Variants in NAV3 observed in about 807,000 individuals in gnomAD.
NAV3 encodes the protein pore membrane and/or filament interacting like protein 1.
A neutral mutation model predicts 244.7 loss-of-function variants in NAV3; 87 were observed. The ratio of observed to expected loss-of-function variants is 0.36; its 90% CI spans 0.30 to 0.42. The LOEUF (loss-of-function observed/expected upper bound fraction) is 0.42. NAV3 is among the 20% of genes least tolerant of loss of function. NAV3 has a pLI of 1.00. For synonymous variants in NAV3, 1,126 were observed against 1,042.2 expected (o/e 1.08, Z -1.55); for missense variants, 2,663 against 2,893.3 (o/e 0.92, Z 1.83).
intron 2 of NAV3, among the ~76,000 whole-genome samples, chr12:77,777,254 T>A (rs1345480295): frequency 6.6e-6 from 1 of 152,138 alleles, no homozygotes; most frequent in Non-Finnish European, 1.5e-5. Context: ...ATAGAACAAT[T>A]ATAACAATAT....
intron 28 of NAV3, among the ~76,000 whole-genome samples, chr12:78,178,744 A>G (rs1235981682): frequency 6.6e-6 from 1 of 152,166 alleles, no homozygotes; most frequent in Non-Finnish European, 1.5e-5. Context: ...AGAACATGTC[A>G]CTGTCATTTT....
chr12:78,027,110 C>T (rs188670685), intron 9 of NAV3, among the ~76,000 whole-genome samples: 6 of 152,136 alleles, frequency 3.9e-5, no homozygotes, highest in Admixed American at 1.3e-4. Context: ...AAGCTCTCCC[C>T]GTTGAGCTGG....
At chr12:78,042,519 A>G (rs1272303424) in intron 9 of NAV3, among the ~76,000 whole-genome samples, 2 of 152,206 alleles carry the variant, frequency 1.3e-5, no homozygotes, top group Non-Finnish European at 2.9e-5. Context: ...TCAGCCGGGC[A>G]TGGTGGCTCA....
chr12:77,829,457 G>C (rs1873365101), upstream of NAV3, among the ~76,000 whole-genome samples: 2 of 152,132 alleles, frequency 1.3e-5, no homozygotes, highest in African/African-American at 4.8e-5. Flanking sequence ...GTGCTGTTTT[G>C]TTTTGCATTG....
At chr12:77,586,686 A>C (rs1032683655) in intron 2 of NAV3, among the ~76,000 whole-genome samples, 1 of 152,236 alleles carries the variant, frequency 6.6e-6, no homozygotes, top group African/African-American at 2.4e-5. Context: ...TGACTGATAC[A>C]GTATCCACTC....
At chr12:77,961,071 A>G (rs1025250310) in intron 3 of NAV3, among the ~76,000 whole-genome samples, 2 of 146,274 alleles carry the variant, frequency 1.4e-5, no homozygotes, top group Non-Finnish European at 3.0e-5. Context: ...GTATACGCAT[A>G]TATGTATATA....
chr12:78,012,388 A>G (rs970675713), intron 8 of NAV3, among the ~76,000 whole-genome samples: 3 of 152,022 alleles, frequency 2.0e-5, no homozygotes, highest in African/African-American at 7.2e-5. Context: ...CGTAAATCAT[A>G]TATCTTATTC....
chr12:77,714,346 A>G (rs770546), intron 2 of NAV3, among the ~76,000 whole-genome samples: 146,594 of 152,200 alleles, frequency 0.96, 70,634 homozygotes, highest in East Asian at 1. Context: ...CTATTTTTTT[A>G]TTGTTGTTGT....
chr12:77,886,225 G>A (rs1236653414), intron 1 of NAV3, among the ~76,000 whole-genome samples: 1 of 152,052 alleles, frequency 6.6e-6, no homozygotes, highest in African/African-American at 2.4e-5. Context: ...ACCATGACCT[G>A]GTCCTGCATT....
chr12:78,106,164 A>T (rs1441760885), intron 12 of NAV3, among the ~76,000 whole-genome samples: 1 of 151,952 alleles, frequency 6.6e-6, no homozygotes, highest in Non-Finnish European at 1.5e-5. Flanking sequence ...TGACATGAAC[A>T]TGTATAAAGA....
At chr12:78,179,710 A>C in intron 29 of NAV3, 28 bp downstream of exon 29, 13 of 1,581,654 alleles carry the variant, frequency 8.2e-6, no homozygotes, top group Non-Finnish European at 1.0e-5. Context: ...TTCAAGGAAT[A>C]AAATGGAGAA....
Position 77,682,676 on chromosome 12 carries a change from C to CT in NAV3, c.72+110416dup, listed in dbSNP as rs1874527135. 7.9e-5 allele frequency among the ~76,000 whole-genome samples: 12 copies of CT among 152,094 alleles called. 1 individual carries two copies. In the South Asian group the frequency reaches 2.5e-3, roughly 32 times the overall value. On this transcript the variant is annotated intron_variant, in intron 2 of 8. Coordinates refer to the NAV3 transcript ENST00000550042. Reference sequence around the variant, plus strand: ...CTTGCCAGTACTTGTTATCATTTGCCTTTTTTGATAATAGTCATTCTAATA... The same window carrying CT: ...CTTGCCAGTACTTGTTATCATTTGCCTTTTTTTGATAATAGTCATTCTAATA...
At chr12:77,972,128 A>T (rs1288806880) in intron 5 of NAV3, among the ~76,000 whole-genome samples, 1 of 152,070 alleles carries the variant, frequency 6.6e-6, no homozygotes, top group Non-Finnish European at 1.5e-5. Flanking sequence ...CTCCCTCTCC[A>T]CCTTTGAGTG....
chr12:77,764,340 C>G (rs1428847297), intron 2 of NAV3, among the ~76,000 whole-genome samples: 1 of 152,200 alleles, frequency 6.6e-6, no homozygotes, highest in African/African-American at 2.4e-5. Flanking sequence ...AATGTTACCA[C>G]ATAGGCAATC....
intron 2 of NAV3, among the ~76,000 whole-genome samples, chr12:77,702,812 T>C (rs938221661): frequency 2.9e-5 from 4 of 136,820 alleles, no homozygotes; most frequent in African/African-American, 7.7e-5. Flanking sequence ...AATAAGTTAA[T>C]AGAAGAAAAA....
At chr12:78,037,299 T>C in intron 9 of NAV3, 1 of 702,954 alleles carries the variant, frequency 1.4e-6, no homozygotes, top group Non-Finnish European at 2.6e-6. Context: ...AGAAAGCTGT[T>C]TGCGGGAAGG....
At position 78,007,344 on chromosome 12, in the gene NAV3, A is replaced by G; in HGVS notation, c.1806A>G (p.Ala602=). The change falls in exon 8 of 40, where the codon GCA becomes GCG. Residue 602 remains alanine, a synonymous_variant. Coordinates refer to ENST00000397909, the MANE Select transcript of NAV3 (RefSeq NM_001024383.2). The stretch of plus-strand genomic sequence containing the variant: ...CTGGTTCCTGTACCATGACAGTGGC[A>G]CAAAGCAGTGGGCAGAGCACAGGAA... ...SPSGSCTMTV[A]QSSGQSTGNG... 6.2e-7 allele frequency: 1 copy of G among 1,614,190 alleles called. No individual in the cohort carries two copies. Among genetic ancestry groups the G allele is most frequent in the Non-Finnish European group, 8.5e-7 (1 of 1,180,040 alleles).
At chr12:77,908,818 G>A (rs183574732) in intron 1 of NAV3, among the ~76,000 whole-genome samples, 7 of 151,960 alleles carry the variant, frequency 4.6e-5, no homozygotes, top group Admixed American at 1.3e-4. Context: ...TATAATAATG[G>A]CACTTAATTT....
At chr12:77,925,464 T>A (rs969692975) in intron 1 of NAV3, among the ~76,000 whole-genome samples, 46 of 152,292 alleles carry the variant, frequency 3.0e-4, no homozygotes, top group African/African-American at 1.1e-3. Context: ...TCAAATGGAA[T>A]CCTTAGCATT....
Sources: allele counts gnomAD v4.1 joint callset (sites outside exome capture counted in the v4.1 genomes callset), GRCh38; gene constraint gnomAD v4.1.1; transcripts MANE v1.5; gene names NCBI Gene and HGNC (gene_info 2026-07-23, HGNC 2026-07-21).